MAP3K7CL: variants seen among roughly 807,000 people sequenced by gnomAD.
MAP3K7CL encodes MAP3K7 C-terminal like.
In MAP3K7CL, 16 loss-of-function variants were observed where a neutral mutation model predicts 18.6. That is an observed-to-expected ratio of 0.86 (90% CI 0.58 to 1.31). The LOEUF is 1.31. Ranked by LOEUF, MAP3K7CL falls within the 50% of genes most tolerant of loss-of-function variation. The pLI is 0.00. For synonymous variants in MAP3K7CL, 65 were observed against 66.8 expected (o/e 0.97, Z 0.13); for missense variants, 163 against 174.4 (o/e 0.93, Z 0.37).
chr21:29,099,065 G>A (rs1371837569), intron 4 of MAP3K7CL, among the ~76,000 whole-genome samples: 1 of 152,004 alleles, frequency 6.6e-6, no homozygotes, highest in African/African-American at 2.4e-5. Context: ...TTAGGTCTGA[G>A]GCACAGTTTA....
intron 3 of MAP3K7CL, among the ~76,000 whole-genome samples, chr21:29,150,894 C>T (rs2087256148): frequency 6.6e-6 from 1 of 151,738 alleles, no homozygotes; most frequent in African/African-American, 2.4e-5. Flanking sequence ...CTCAGCCTCC[C>T]TAGTAGCTGG....
intron 3 of MAP3K7CL, 106 bp from the exon 4 acceptor site, chr21:29,159,835 A>AAG: frequency 1.3e-6 from 1 of 788,092 alleles, no homozygotes; most frequent in Non-Finnish European, 2.1e-6. Context: ...TAAAAAAAAA[A>AAG]AAGAAGAAGA....
At chr21:29,127,159 A>G (rs1192212064), upstream of MAP3K7CL, among the ~76,000 whole-genome samples, 1 of 152,244 alleles carries the variant, frequency 6.6e-6, no homozygotes, top group Non-Finnish European at 1.5e-5. Flanking sequence ...AATTGTGACA[A>G]TAGTCTATGG....
intron 3 of MAP3K7CL, among the ~76,000 whole-genome samples, chr21:29,153,910 G>C (rs1481382588): frequency 6.6e-6 from 1 of 152,138 alleles, no homozygotes; most frequent in African/African-American, 2.4e-5. Context: ...ACTTACACAT[G>C]ATCCAAAACT....
At chr21:29,155,170 T>G (rs1018210600) in intron 3 of MAP3K7CL, among the ~76,000 whole-genome samples, 2 of 152,214 alleles carry the variant, frequency 1.3e-5, no homozygotes, top group African/African-American at 4.8e-5. Flanking sequence ...GTGTTTTTCC[T>G]CTCAGTTTTA....
intron 3 of MAP3K7CL, among the ~76,000 whole-genome samples, chr21:29,153,615 A>C (rs1017152509): frequency 2.0e-5 from 3 of 151,952 alleles, no homozygotes; most frequent in East Asian, 1.9e-4. Context: ...CACCTGGCTA[A>C]TTTTTGTATT....
rs547530330 is a variant in MAP3K7CL, at chr21:29,147,240, A to G, written c.71-1949A>G. ...ATATATGTATAGGTACTATATATGT[A>G]TATGTACTGTATATGTATGTGTACT... On this transcript the variant is annotated intron_variant, in intron 2 of 4. Transcript: ENST00000399928. Among the ~76,000 whole-genome samples the G allele has an allele frequency of 2.0e-4, 31 of 152,160 alleles. No homozygotes were observed. The East Asian group carries it at 5.6e-3, about 27-fold the overall frequency.
chr21:29,142,695 C>G (rs2087035734), intron 2 of MAP3K7CL, among the ~76,000 whole-genome samples: 1 of 152,198 alleles, frequency 6.6e-6, no homozygotes, highest in Admixed American at 6.5e-5. Context: ...TTATATTAAG[C>G]ATTCATTGTT....
chr21:29,150,009 A>G (rs2087232688), intron 3 of MAP3K7CL, among the ~76,000 whole-genome samples: 1 of 152,210 alleles, frequency 6.6e-6, no homozygotes, highest in South Asian at 2.1e-4. Context: ...TGAATCCTGT[A>G]CACAGACATT....
chr21:29,137,403 G>A (rs1451523374), intron 2 of MAP3K7CL, among the ~76,000 whole-genome samples: 2 of 152,154 alleles, frequency 1.3e-5, no homozygotes, highest in Non-Finnish European at 2.9e-5. Flanking sequence ...AAGGCAAGAT[G>A]TTTGGAGAAA....
intron 4 of MAP3K7CL, among the ~76,000 whole-genome samples, chr21:29,165,230 G>A (rs73897268): frequency 0.031 from 4,664 of 152,190 alleles, 208 homozygotes; most frequent in African/African-American, 0.096. Context: ...ATGAAATATT[G>A]TATTGGGTAC....
At chr21:29,159,020 A>G (rs772161155) in intron 3 of MAP3K7CL, among the ~76,000 whole-genome samples, 1 of 146,982 alleles carries the variant, frequency 6.8e-6, no homozygotes, top group Non-Finnish European at 1.5e-5. Flanking sequence ...TCCTGGGTTC[A>G]AGCGATTCTC....
intron 3 of MAP3K7CL, chr21:29,091,775 C>T (rs763814375): frequency 1.6e-5 from 11 of 702,198 alleles, no homozygotes; most frequent in Middle Eastern, 2.3e-4. Flanking sequence ...TGAACTACTG[C>T]ACCTGGCCTG....
upstream of MAP3K7CL, among the ~76,000 whole-genome samples, chr21:29,083,976 A>G (rs757625269): frequency 6.8e-6 from 1 of 147,240 alleles, no homozygotes; most frequent in Non-Finnish European, 1.5e-5. Flanking sequence ...ATATAATTGT[A>G]TATAACATAT....
intron 4 of MAP3K7CL, among the ~76,000 whole-genome samples, chr21:29,106,888 C>T (rs2086331943): frequency 1.3e-5 from 2 of 152,198 alleles, no homozygotes; most frequent in African/African-American, 4.8e-5. Flanking sequence ...CAGGATCTTG[C>T]TCTTTCTGAT....
chr21:29,156,365 C>T (rs2087404733), intron 3 of MAP3K7CL, among the ~76,000 whole-genome samples: 1 of 152,168 alleles, frequency 6.6e-6, no homozygotes, highest in South Asian at 2.1e-4. Context: ...AGTTATTTTA[C>T]AGTTTTTAAT....
intron 3 of MAP3K7CL, among the ~76,000 whole-genome samples, chr21:29,152,505 C>T (rs2087300234): frequency 6.6e-6 from 1 of 152,052 alleles, no homozygotes; most frequent in African/African-American, 2.4e-5. Flanking sequence ...ATTACAAAGG[C>T]ATATGAAGTG....
intron 4 of MAP3K7CL, among the ~76,000 whole-genome samples, chr21:29,102,905 A>C (rs7282843): frequency 6.6e-6 from 1 of 151,838 alleles, no homozygotes; most frequent in Non-Finnish European, 1.5e-5. Flanking sequence ...AGCCATGTAA[A>C]TGAGTCATCT....
intron 2 of MAP3K7CL, among the ~76,000 whole-genome samples, chr21:29,137,257 C>T (rs899822395): frequency 6.6e-6 from 1 of 152,140 alleles, no homozygotes; most frequent in African/African-American, 2.4e-5. Flanking sequence ...ACTAGTTATG[C>T]AGTTAATAGA....
Sources: allele counts gnomAD v4.1 joint callset (sites outside exome capture counted in the v4.1 genomes callset), GRCh38; gene constraint gnomAD v4.1.1; transcripts MANE v1.5; gene names NCBI Gene and HGNC (gene_info 2026-07-23, HGNC 2026-07-21).